SLC7A14: variants seen among roughly 807,000 people sequenced by gnomAD.
The protein encoded by SLC7A14 is gamma-aminobutyric acid transporter SLC7A14.
SLC7A14 carries 37 observed loss-of-function variants against 60.2 expected under a neutral mutation model. The observed-to-expected ratio is 0.61, with a 90% confidence interval of 0.47 to 0.81. The LOEUF is 0.81. SLC7A14 is among the 30% of genes least tolerant of loss of function. SLC7A14 has a pLI of 0.00. For synonymous variants in SLC7A14, 399 were observed against 395.8 expected (o/e 1.01, Z -0.10); for missense variants, 886 against 982.7 (o/e 0.90, Z 1.32).
At position 170,481,179 on chromosome 3, in the gene SLC7A14, G is replaced by A. The variant is rs535253612; in HGVS notation, c.1116-13C>T. 6.2e-7 allele frequency: 1 copy of A among 1,606,630 alleles called. No individual in the cohort carries two copies. Among genetic ancestry groups the A allele is most frequent in the Admixed American group, 1.7e-5 (1 of 59,528 alleles). The stretch of plus-strand genomic sequence containing the variant: ...GTGAGCCAGGAACCTGGAGGGGCCG[G>A]GCAAGCAGAGGGTTAATGGTGAGCT... On this transcript the variant is annotated splice_polypyrimidine_tract_variant and intron_variant, in intron 6 of 7. Coordinates refer to ENST00000231706, the MANE Select transcript of SLC7A14 (RefSeq NM_020949.3).
At chr3:170,498,572 C>G in intron 4 of SLC7A14, 95 bp downstream of exon 4, 2 of 1,108,252 alleles carry the variant, frequency 1.8e-6, no homozygotes, top group South Asian at 1.5e-5. Flanking sequence ...AATTATGGAA[C>G]AGAACAGCAT....
chr3:170,521,926 AAAAAG>A (rs1200910432), intron 2 of SLC7A14, among the ~76,000 whole-genome samples: 2 of 152,212 alleles, frequency 1.3e-5, no homozygotes, highest in African/African-American at 4.8e-5. Flanking sequence ...ATCTCAAAAA[AAAAAG>A]AAAAAGGTGG....
intron 2 of SLC7A14, among the ~76,000 whole-genome samples, chr3:170,516,217 AG>A (rs1236298318): frequency 6.6e-6 from 1 of 152,232 alleles, no homozygotes; most frequent in Non-Finnish European, 1.5e-5. Flanking sequence ...CCTATATAGA[AG>A]AGCTACATGA....
At chr3:170,469,605 G>T (rs1317519346) in intron 7 of SLC7A14, among the ~76,000 whole-genome samples, 1 of 152,122 alleles carries the variant, frequency 6.6e-6, no homozygotes, top group Non-Finnish European at 1.5e-5. Context: ...GAATGCCTCT[G>T]TCTGAAGCAT....
intron 4 of SLC7A14, 64 bp downstream of exon 4, chr3:170,498,603 G>T: frequency 6.9e-7 from 1 of 1,457,282 alleles, no homozygotes; most frequent in South Asian, 1.2e-5. Flanking sequence ...ATATGTCTTA[G>T]GTTGGTCACA....
At chr3:170,478,802 G>T (rs1056038012) in intron 7 of SLC7A14, among the ~76,000 whole-genome samples, 4 of 152,098 alleles carry the variant, frequency 2.6e-5, no homozygotes, top group Admixed American at 1.3e-4. Context: ...CTGATCTCTA[G>T]GAGTGGATGC....
intron 2 of SLC7A14, among the ~76,000 whole-genome samples, chr3:170,509,926 A>G (rs562467817): frequency 1.3e-5 from 2 of 151,932 alleles, no homozygotes; most frequent in South Asian, 4.2e-4. Context: ...TAAAAATACA[A>G]AATTAGCTGG....
chr3:170,488,914 A>G (rs1249967599), intron 4 of SLC7A14, among the ~76,000 whole-genome samples: 2 of 152,184 alleles, frequency 1.3e-5, no homozygotes, highest in Non-Finnish European at 2.9e-5. Flanking sequence ...GGCTATCTCT[A>G]TATCTTAGGG....
At chr3:170,514,570 T>C (rs1384623489) in intron 2 of SLC7A14, among the ~76,000 whole-genome samples, 1 of 152,236 alleles carries the variant, frequency 6.6e-6, no homozygotes, top group Non-Finnish European at 1.5e-5. Flanking sequence ...ATTAACAATG[T>C]GTTTTAAGGC....
intron 1 of SLC7A14, among the ~76,000 whole-genome samples, chr3:170,575,977 G>A (rs1001709236): frequency 3.3e-5 from 5 of 152,176 alleles, no homozygotes; most frequent in Non-Finnish European, 7.3e-5. Flanking sequence ...AGCCAGATAA[G>A]GTCAGCCTGC....
chr3:170,512,840 T>G (rs1228583254), intron 2 of SLC7A14, among the ~76,000 whole-genome samples: 1 of 151,796 alleles, frequency 6.6e-6, no homozygotes, highest in Non-Finnish European at 1.5e-5. Flanking sequence ...ATTTTTTGTA[T>G]TTTTAGTAGA....
chr3:170,468,089 A>C (rs571807953), intron 7 of SLC7A14, among the ~76,000 whole-genome samples: 148 of 152,294 alleles, frequency 9.7e-4, no homozygotes, highest in African/African-American at 3.1e-3. Context: ...ACTCTGCAGA[A>C]AATTGGCACT....
chr3:170,514,637 A>G (rs1294955813), intron 2 of SLC7A14, among the ~76,000 whole-genome samples: 1 of 152,214 alleles, frequency 6.6e-6, no homozygotes, highest in Non-Finnish European at 1.5e-5. Context: ...TTGGGCATAT[A>G]CTTTCAGAGT....
chr3:170,482,738 C>T (rs1428138280), intron 6 of SLC7A14, among the ~76,000 whole-genome samples: 1 of 152,176 alleles, frequency 6.6e-6, no homozygotes, highest in Non-Finnish European at 1.5e-5. Context: ...TTTGTTTCAC[C>T]TCTCTGAGTC....
In SLC7A14 at chr3:170,480,397, C is replaced by T. The variant is rs1213527912; in HGVS notation, c.1885G>A (p.Ala629Thr). 1 of 1,612,376 alleles carries T rather than the reference C, an allele frequency of 6.2e-7. No individual in the cohort carries two copies. Among genetic ancestry groups the T allele is most frequent in the East Asian group, 2.2e-5 (1 of 44,852 alleles). ...GCAGGCACAAAGGGGAGGCAAGGGG[C>T]CATGTAGGGCAGCTTCTTGGGGTTC... is the stretch of plus-strand genomic sequence containing the variant. ...PENPKKLPYM[A>T]PCLPFVPAFA... The change falls in exon 7 of 8, where the codon GCC (alanine) becomes ACC (threonine). Residue 629 changes from alanine (A) to threonine (T), a missense_variant. Coordinates refer to ENST00000231706, the MANE Select transcript of SLC7A14 (RefSeq NM_020949.3).
At chr3:170,496,665 C>G (rs1223873307) in intron 4 of SLC7A14, 2 of 1,214,698 alleles carry the variant, frequency 1.6e-6, no homozygotes, top group Non-Finnish European at 2.4e-6. Flanking sequence ...ACACGAGTAT[C>G]CATAGGAAGA....
chr3:170,565,073 G>A (rs899993272), intron 1 of SLC7A14, among the ~76,000 whole-genome samples: 1 of 152,174 alleles, frequency 6.6e-6, no homozygotes, highest in Non-Finnish European at 1.5e-5. Flanking sequence ...GATAGATTCT[G>A]TGTTCTGCCC....
In SLC7A14 at chr3:170,480,488, G is replaced by C; in HGVS notation, c.1794C>G (p.Ile598Met). 1 of 1,614,176 alleles carries C rather than the reference G, an allele frequency of 6.2e-7. No homozygotes were observed. The highest frequency in any genetic ancestry group is 8.5e-7 in the Non-Finnish European group (1 of 1,180,036). ...DYISEQSWWA[I>M]LLVVLMVLLI... ...GCAGCACCATCAGAACAACCAGAAG[G>C]ATGGCCCACCAGCTCTGCTCTGAGA... The change falls in exon 7 of 8, where the codon ATC (isoleucine) becomes ATG (methionine). Residue 598 changes from isoleucine (I) to methionine (M), a missense_variant. Ile to Met is a conservative substitution (Grantham distance 10). Transcript: ENST00000231706.
chr3:170,514,939 C>T (rs1254566623), intron 2 of SLC7A14, among the ~76,000 whole-genome samples: 1 of 152,156 alleles, frequency 6.6e-6, no homozygotes, highest in Non-Finnish European at 1.5e-5. Flanking sequence ...TTATAATTTC[C>T]ATTTGCAGAT....
Sources: allele counts gnomAD v4.1 joint callset (sites outside exome capture counted in the v4.1 genomes callset), GRCh38; gene constraint gnomAD v4.1.1; transcripts MANE v1.5; gene names NCBI Gene and HGNC (gene_info 2026-07-23, HGNC 2026-07-21).